SMAD9: variants seen among roughly 807,000 people sequenced by gnomAD.
The protein encoded by SMAD9 is MAD homolog 9.
A neutral mutation model predicts 46.1 loss-of-function variants in SMAD9; 36 were observed. The observed-to-expected ratio is 0.78, with a 90% CI of 0.60 to 1.03. The LOEUF is 1.03. Ranked by LOEUF, SMAD9 falls within the 50% of genes least tolerant of loss-of-function variation. The probability of loss-of-function intolerance (pLI) is 0.00; values close to 1 mark genes in which losing one functional copy is unlikely to be tolerated. For synonymous variants in SMAD9, 245 were observed against 237.1 expected (o/e 1.03, Z -0.31); for missense variants, 572 against 599.8 (o/e 0.95, Z 0.48).
intron 2 of SMAD9, among the ~76,000 whole-genome samples, chr13:36,874,117 C>T (rs1367908314): frequency 2.6e-5 from 4 of 152,158 alleles, no homozygotes; most frequent in Non-Finnish European, 5.9e-5. Context: ...CTGTGACCAA[C>T]ATAAGTTCCA....
intron 1 of SMAD9, among the ~76,000 whole-genome samples, chr13:36,901,431 CTTT>C (rs61512254): frequency 1.4e-5 from 2 of 138,850 alleles, no homozygotes; most frequent in Non-Finnish European, 1.6e-5. Context: ...TTTTTTGGGC[CTTT>C]TTTTTTTTTT....
At chr13:36,864,974 G>A (rs1450430874) in intron 5 of SMAD9, among the ~76,000 whole-genome samples, 1 of 152,154 alleles carries the variant, frequency 6.6e-6, no homozygotes. Flanking sequence ...CCATCACTCA[G>A]ACCAATGAGA....
At chr13:36,896,143 A>G (rs1363051883) in intron 1 of SMAD9, among the ~76,000 whole-genome samples, 1 of 115,112 alleles carries the variant, frequency 8.7e-6, no homozygotes, top group Non-Finnish European at 2.0e-5. Flanking sequence ...TTATTTATTT[A>G]TTTATTTGAG....
chr13:36,880,277 G>A (rs890336473), intron 1 of SMAD9, among the ~76,000 whole-genome samples: 3 of 151,924 alleles, frequency 2.0e-5, no homozygotes, highest in South Asian at 2.1e-4. Context: ...CTTTCAATTC[G>A]AATTCACTTA....
intron 1 of SMAD9, among the ~76,000 whole-genome samples, chr13:36,898,177 T>C (rs1477602365): frequency 6.6e-6 from 1 of 152,092 alleles, no homozygotes; most frequent in African/African-American, 2.4e-5. Context: ...TATGTCTTAA[T>C]AAGGGTGTGG....
intron 1 of SMAD9, among the ~76,000 whole-genome samples, chr13:36,899,106 A>C (rs9547692): frequency 0.18 from 27,119 of 152,158 alleles, 2,783 homozygotes; most frequent in Non-Finnish European, 0.23. Flanking sequence ...ATGTACAAAA[A>C]CAATTACATT....
chr13:36,876,607 T>C (rs1402298127), intron 2 of SMAD9, among the ~76,000 whole-genome samples: 1 of 152,218 alleles, frequency 6.6e-6, no homozygotes, highest in Non-Finnish European at 1.5e-5. Context: ...TATAAAAGTG[T>C]TCGTTTGAAG....
chr13:36,874,718 G>A (rs544651380), intron 2 of SMAD9, among the ~76,000 whole-genome samples: 5 of 151,714 alleles, frequency 3.3e-5, no homozygotes, highest in South Asian at 2.1e-4. Context: ...TTAGCCGGGC[G>A]TGGTTGCGGG....
chr13:36,882,959 C>T (rs2058416380), intron 1 of SMAD9, among the ~76,000 whole-genome samples: 1 of 152,090 alleles, frequency 6.6e-6, no homozygotes, highest in Non-Finnish European at 1.5e-5. Context: ...GACCCCATTT[C>T]CTTGTCTAGG....
chr13:36,853,746 AC>A, intron 5 of SMAD9, 71 bp from the exon 6 acceptor site: 1 of 1,529,536 alleles, frequency 6.5e-7, no homozygotes, highest in Non-Finnish European at 9.0e-7. Context: ...GATTCCTGAA[AC>A]CCTAGGAGAT....
At chr13:36,861,659 G>A (rs2058183671) in intron 5 of SMAD9, among the ~76,000 whole-genome samples, 2 of 150,628 alleles carry the variant, frequency 1.3e-5, no homozygotes, top group Admixed American at 1.3e-4. Context: ...GCCAGGTGGG[G>A]TGGCTTACAC....
chr13:36,887,509 C>T (rs2058457034), intron 1 of SMAD9, among the ~76,000 whole-genome samples: 1 of 152,194 alleles, frequency 6.6e-6, no homozygotes, highest in East Asian at 1.9e-4. Flanking sequence ...AGGTGTGAGC[C>T]ATTGCGCCTG....
At chr13:36,919,468 C>T (rs1283422923) in intron 1 of SMAD9, among the ~76,000 whole-genome samples, 3 of 152,148 alleles carry the variant, frequency 2.0e-5, no homozygotes, top group African/African-American at 4.8e-5. Context: ...CTTTTTTTCT[C>T]AGTTCGCATG....
intron 1 of SMAD9, among the ~76,000 whole-genome samples, chr13:36,901,648 G>C (rs753950525): frequency 1.3e-5 from 2 of 152,102 alleles, no homozygotes; most frequent in Admixed American, 6.5e-5. Flanking sequence ...GGCTGGTCTT[G>C]AACTCCTAGC....
intron 5 of SMAD9, among the ~76,000 whole-genome samples, chr13:36,856,691 A>C (rs963917691): frequency 1.3e-5 from 2 of 152,136 alleles, no homozygotes; most frequent in African/African-American, 4.8e-5. Flanking sequence ...ATCACCACAG[A>C]GTAGAGCAGT....
chr13:36,877,430 C>T (rs924195966), intron 2 of SMAD9, among the ~76,000 whole-genome samples: 1 of 152,034 alleles, frequency 6.6e-6, no homozygotes, highest in Non-Finnish European at 1.5e-5. Flanking sequence ...AAAAGGAAAA[C>T]CAGGTACATT....
chr13:36,850,579 A>C (rs1189993869), intron 6 of SMAD9, among the ~76,000 whole-genome samples: 1 of 151,784 alleles, frequency 6.6e-6, no homozygotes, highest in African/African-American at 2.4e-5. Flanking sequence ...GGGTTTTGCC[A>C]TGTTGGCCAG....
chr13:36,886,443 G>T (rs1383004280), intron 1 of SMAD9, among the ~76,000 whole-genome samples: 2 of 152,224 alleles, frequency 1.3e-5, no homozygotes, highest in Non-Finnish European at 2.9e-5. Context: ...TCTCCAAAAC[G>T]TTGTGGCTCT....
chr13:36,907,128 C>T (rs185314306), intron 1 of SMAD9, among the ~76,000 whole-genome samples: 20 of 152,182 alleles, frequency 1.3e-4, no homozygotes, highest in Non-Finnish European at 1.5e-5. Context: ...TGCAATAAGC[C>T]AGACACAGAA....
Sources: allele counts gnomAD v4.1 joint callset (sites outside exome capture counted in the v4.1 genomes callset), GRCh38; gene constraint gnomAD v4.1.1; transcripts MANE v1.5; gene names NCBI Gene and HGNC (gene_info 2026-07-23, HGNC 2026-07-21).